Variants in DROSHA observed in about 807,000 individuals in gnomAD.
DROSHA encodes the protein drosha ribonuclease III.
In DROSHA, 56 loss-of-function variants were observed where a neutral mutation model predicts 181.9. The ratio of observed to expected loss-of-function variants is 0.31; its 90% CI spans 0.25 to 0.38. The LOEUF (loss-of-function observed/expected upper bound fraction) is 0.38, where lower values mean the gene tolerates loss of function less well. Among genes scored for constraint, DROSHA ranks in the 10% least tolerant of loss-of-function variants. The pLI is 1.00. For missense variants in DROSHA, 1,218 were observed against 1,743.5 expected (o/e 0.70, Z 5.37); for synonymous variants, 524 against 591.2 (o/e 0.89, Z 1.65).
chr5:31,417,853 A>G (rs1742141711), intron 30 of DROSHA, among the ~76,000 whole-genome samples: 1 of 152,114 alleles, frequency 6.6e-6, no homozygotes, highest in Admixed American at 6.5e-5. Flanking sequence ...TCCTTTGACT[A>G]CAGCATGTAA....
chr5:31,493,191 A>G lies in DROSHA; in HGVS notation c.1842+16T>C. The G allele has an allele frequency of 5.0e-6, 8 of 1,598,292 alleles. No individual in the cohort carries two copies. The highest frequency in any genetic ancestry group is 6.8e-6 in the Non-Finnish European group (8 of 1,173,280). On this transcript the variant is annotated intron_variant, in intron 13 of 35. Coordinates refer to ENST00000344624, the MANE Select transcript of DROSHA (RefSeq NM_001382508.1). The stretch of plus-strand genomic sequence containing the variant: ...GTACAAGGAAAGAGAAAAGCAGCCA[A>G]CTGGCACATACTTACATTGGTCAGG...
At chr5:31,425,088 T>C (rs1743310565) in intron 27 of DROSHA, among the ~76,000 whole-genome samples, 1 of 152,186 alleles carries the variant, frequency 6.6e-6, no homozygotes, top group African/African-American at 2.4e-5. Context: ...TCCTCAGGAC[T>C]AAAGTGTTTT....
intron 12 of DROSHA, among the ~76,000 whole-genome samples, chr5:31,494,771 T>C (rs1411331663): frequency 6.6e-6 from 1 of 151,914 alleles, no homozygotes; most frequent in Non-Finnish European, 1.5e-5. Context: ...GCCTCCTGGG[T>C]TCACGCCATT....
chr5:31,525,720 C>A (rs1245953114), intron 5 of DROSHA, among the ~76,000 whole-genome samples: 1 of 152,002 alleles, frequency 6.6e-6, no homozygotes, highest in East Asian at 1.9e-4. Context: ...ATGCTATAAC[C>A]TGATATGATG....
At chr5:31,436,946 G>A (rs1360361028) in intron 24 of DROSHA, among the ~76,000 whole-genome samples, 1 of 152,142 alleles carries the variant, frequency 6.6e-6, no homozygotes, top group African/African-American at 2.4e-5. Context: ...AAGCTCTGAA[G>A]CATCTAGACC....
intron 23 of DROSHA, among the ~76,000 whole-genome samples, chr5:31,441,027 T>C (rs2150008417): frequency 6.6e-6 from 1 of 151,310 alleles, no homozygotes; most frequent in East Asian, 1.9e-4. Context: ...TACTCAACTG[T>C]AATAGCCAAT....
At chr5:31,445,859 A>C (rs903617657) in intron 23 of DROSHA, among the ~76,000 whole-genome samples, 3 of 152,176 alleles carry the variant, frequency 2.0e-5, no homozygotes, top group African/African-American at 7.2e-5. Flanking sequence ...CTTCCTACTG[A>C]GATTAGGAAG....
intron 26 of DROSHA, among the ~76,000 whole-genome samples, chr5:31,431,159 G>A (rs982223155): frequency 1.3e-5 from 2 of 152,104 alleles, no homozygotes; most frequent in African/African-American, 4.8e-5. Flanking sequence ...GTGTTCTCAA[G>A]ATGTTTAAAA....
chr5:31,436,394 T>TC (rs1744789290), intron 24 of DROSHA, among the ~76,000 whole-genome samples: 1 of 57,792 alleles, frequency 1.7e-5, no homozygotes, highest in African/African-American at 1.2e-4. Context: ...CCCCTATTCC[T>TC]TTTTTTTTTT....
chr5:31,441,336 G>C (rs1457690554), intron 23 of DROSHA, among the ~76,000 whole-genome samples: 2 of 152,122 alleles, frequency 1.3e-5, no homozygotes, highest in Non-Finnish European at 2.9e-5. Flanking sequence ...ACTTGAGCCT[G>C]GGAGGTCAAA....
At chr5:31,483,382 T>C (rs1414059827) in intron 16 of DROSHA, among the ~76,000 whole-genome samples, 172 bp downstream of exon 16, 1 of 152,250 alleles carries the variant, frequency 6.6e-6, no homozygotes, top group Admixed American at 6.5e-5. Flanking sequence ...CCATAATTTA[T>C]GCAGGGATAT....
intron 30 of DROSHA, among the ~76,000 whole-genome samples, chr5:31,419,471 G>C (rs1416608026): frequency 2.6e-5 from 4 of 151,580 alleles, no homozygotes; most frequent in African/African-American, 9.7e-5. Context: ...CACAGAACTA[G>C]AGTCTCTCAT....
intron 12 of DROSHA, 135 bp downstream of exon 12, chr5:31,495,151 G>C: frequency 2.1e-6 from 2 of 968,638 alleles, no homozygotes; most frequent in Middle Eastern, 3.1e-4. Flanking sequence ...CGTGAGAAAG[G>C]CCAATTTGTC....
Position 31,427,570 on chromosome 5 carries a change from G to A in DROSHA, c.3216+1905C>T, listed in dbSNP as rs550891125. Among the ~76,000 whole-genome samples, 4 of 152,212 alleles carry A rather than the reference G, an allele frequency of 2.6e-5. 1 individual carries two copies. Among genetic ancestry groups the A allele is most frequent in the African/African-American group, 7.2e-5 (3 of 41,526 alleles). ...TAAGGATCACCGCAGATACTTAATC[G>A]CCAAGCTGCCCTTGCCTTGGGACGG... is the stretch of plus-strand genomic sequence containing the variant. On this transcript the variant is annotated intron_variant, in intron 27 of 35. Transcript: ENST00000344624.
At chr5:31,423,653 A>T (rs1234524696) in intron 28 of DROSHA, among the ~76,000 whole-genome samples, 1 of 152,200 alleles carries the variant, frequency 6.6e-6, no homozygotes, top group Non-Finnish European at 1.5e-5. Flanking sequence ...CTCATGTATT[A>T]ATAAAATATT....
intron 20 of DROSHA, among the ~76,000 whole-genome samples, chr5:31,452,800 G>T (rs1747180145): frequency 6.6e-6 from 1 of 152,224 alleles, no homozygotes; most frequent in Admixed American, 6.5e-5. Flanking sequence ...ACCTCCACGT[G>T]TAAGGCCTTA....
At chr5:31,499,969 C>A (rs1346170659) in intron 11 of DROSHA, among the ~76,000 whole-genome samples, 1 of 152,150 alleles carries the variant, frequency 6.6e-6, no homozygotes, top group Admixed American at 6.5e-5. Context: ...TGAGAGGGGC[C>A]AAGCCTCAAA....
chr5:31,483,400 C>T (rs1290657080), intron 16 of DROSHA, among the ~76,000 whole-genome samples, 154 bp downstream of exon 16: 2 of 152,084 alleles, frequency 1.3e-5, no homozygotes, highest in Non-Finnish European at 2.9e-5. Context: ...TATAAATCCA[C>T]ATGTATAATT....
intron 16 of DROSHA, among the ~76,000 whole-genome samples, chr5:31,473,560 C>T (rs1046170035): frequency 1.3e-5 from 2 of 152,166 alleles, no homozygotes; most frequent in African/African-American, 2.4e-5. Flanking sequence ...AAAGCCTTGC[C>T]TTCCTGAAGC....
Sources: allele counts gnomAD v4.1 joint callset (sites outside exome capture counted in the v4.1 genomes callset), GRCh38; gene constraint gnomAD v4.1.1; transcripts MANE v1.5; gene names NCBI Gene and HGNC (gene_info 2026-07-23, HGNC 2026-07-21).